Variants in MYO18B observed in about 807,000 individuals in gnomAD.
MYO18B encodes unconventional myosin-XVIIIb.
A neutral mutation model predicts 273.0 loss-of-function variants in MYO18B; 204 were observed. The observed-to-expected ratio is 0.75, with a 90% CI of 0.67 to 0.84. The LOEUF is 0.84. Among genes scored for constraint, MYO18B ranks in the 40% least tolerant of loss-of-function variants. The pLI is 0.00. For synonymous variants in MYO18B, 1,330 were observed against 1,305.7 expected (o/e 1.02, Z -0.40); for missense variants, 3,212 against 3,287.6 (o/e 0.98, Z 0.56).
intron 13 of MYO18B, among the ~76,000 whole-genome samples, chr22:25,824,103 G>T (rs951074587): frequency 6.6e-6 from 1 of 152,172 alleles, no homozygotes; most frequent in Non-Finnish European, 1.5e-5. Flanking sequence ...GGTGTGGTCC[G>T]CTCACTAAGG....
At chr22:25,986,332 C>A (rs1213482145) in intron 39 of MYO18B, among the ~76,000 whole-genome samples, 2 of 151,804 alleles carry the variant, frequency 1.3e-5, no homozygotes, top group African/African-American at 4.8e-5. Flanking sequence ...TTTTAACTTG[C>A]CTATGATAAA....
intron 34 of MYO18B, among the ~76,000 whole-genome samples, chr22:25,944,574 G>T (rs1048610987): frequency 6.6e-6 from 1 of 152,150 alleles, no homozygotes; most frequent in African/African-American, 2.4e-5. Flanking sequence ...GTTAGGCTGG[G>T]CATGGTGGCT....
At chr22:25,810,743 A>G (rs1181157448) in intron 12 of MYO18B, among the ~76,000 whole-genome samples, 1 of 151,726 alleles carries the variant, frequency 6.6e-6, no homozygotes, top group Non-Finnish European at 1.5e-5. Context: ...GCCGACTTTA[A>G]TTCTGAAAGC....
At chr22:25,823,840 C>A (rs1045198272) in intron 13 of MYO18B, among the ~76,000 whole-genome samples, 162 bp downstream of exon 13, 1 of 152,146 alleles carries the variant, frequency 6.6e-6, no homozygotes, top group Non-Finnish European at 1.5e-5. Flanking sequence ...GGAAAGGGAC[C>A]GGTCAATGCT....
At chr22:26,047,157 C>T in the MYO18B span, among the ~76,000 whole-genome samples, 133 of 146,132 alleles carry the variant, frequency 9.1e-4, 1 homozygote, top group Non-Finnish European at 1.3e-3. Context: ...GACAGAGTCT[C>T]GCTCTGTCAC....
chr22:25,742,706 G>A (rs751675229), intron 1 of MYO18B, among the ~76,000 whole-genome samples: 1 of 152,230 alleles, frequency 6.6e-6, no homozygotes, highest in Non-Finnish European at 1.5e-5. Flanking sequence ...TATGGTCGGG[G>A]AAGAGCCAGG....
chr22:26,008,103 C>A (rs924948761), intron 42 of MYO18B, among the ~76,000 whole-genome samples: 2 of 152,164 alleles, frequency 1.3e-5, no homozygotes, highest in Admixed American at 6.5e-5. Context: ...CAGCAATACA[C>A]CTTGGAGATC....
At chr22:25,893,255 A>G (rs924600797) in intron 27 of MYO18B, among the ~76,000 whole-genome samples, 1 of 152,246 alleles carries the variant, frequency 6.6e-6, no homozygotes, top group African/African-American at 2.4e-5. Context: ...ATATTTAAAG[A>G]GAACCTTTTG....
At chr22:25,943,395 C>G (rs1251391825) in intron 34 of MYO18B, among the ~76,000 whole-genome samples, 1 of 152,162 alleles carries the variant, frequency 6.6e-6, no homozygotes, top group Non-Finnish European at 1.5e-5. Context: ...CTGGTCCCAC[C>G]CTCCCCACAG....
At position 25,950,441 on chromosome 22, in the gene MYO18B, A is replaced by G. The variant is rs746544742; in HGVS notation, c.5823A>G (p.Leu1941=). ...AAGCCAAGAAGGAGAAGCACAAGCT[A>G]CAAGAACAAGTATGTGCTCAGAGCC... ...LEEAKKEKHK[L]QEQLQVAQMR... Residue 1941 remains leucine (L), a synonymous_variant, in exon 37 of 44, where the codon CTA becomes CTG. Coordinates refer to ENST00000335473, the MANE Select transcript of MYO18B (RefSeq NM_032608.7). The G allele has an allele frequency of 2.5e-6, 4 of 1,603,402 alleles. No individual in the cohort carries two copies. The highest frequency in any genetic ancestry group is 1.7e-5 in the Admixed American group (1 of 58,904).
intron 10 of MYO18B, among the ~76,000 whole-genome samples, chr22:25,783,086 A>G (rs1283225840): frequency 6.6e-6 from 1 of 152,230 alleles, no homozygotes; most frequent in Non-Finnish European, 1.5e-5. Context: ...CAGGCAGACA[A>G]TACTTCTTAA....
chr22:25,811,440 G>A (rs1298844570), intron 12 of MYO18B, among the ~76,000 whole-genome samples: 4 of 152,122 alleles, frequency 2.6e-5, no homozygotes, highest in Admixed American at 6.5e-5. Context: ...ATGCATAGCC[G>A]CAGTACATAT....
At chr22:25,788,818 C>T (rs1400680171) in intron 11 of MYO18B, among the ~76,000 whole-genome samples, 1 of 152,160 alleles carries the variant, frequency 6.6e-6, no homozygotes, top group Non-Finnish European at 1.5e-5. Context: ...TCACTGGCGA[C>T]AGTGGAGTCT....
intron 12 of MYO18B, among the ~76,000 whole-genome samples, chr22:25,815,175 G>A (rs1052347311): frequency 1.7e-4 from 26 of 152,248 alleles, no homozygotes; most frequent in African/African-American, 5.8e-4. Context: ...AAAGGGGACA[G>A]TTTGATAGAT....
intron 39 of MYO18B, chr22:25,964,345 G>C (rs2092954036): frequency 6.6e-6 from 1 of 152,170 alleles, no homozygotes; most frequent in African/African-American, 2.4e-5. Flanking sequence ...CTAAAATCCA[G>C]ACAGGTGAAG....
intron 12 of MYO18B, among the ~76,000 whole-genome samples, chr22:25,817,921 G>GC (rs1244691196): frequency 6.6e-6 from 1 of 152,184 alleles, no homozygotes; most frequent in African/African-American, 2.4e-5. Context: ...CGGCCACTCT[G>GC]CCCTGCTTCA....
the MYO18B span, among the ~76,000 whole-genome samples, chr22:26,044,726 T>C: frequency 0.033 from 5,058 of 152,338 alleles, 142 homozygotes; most frequent in Admixed American, 0.1. Flanking sequence ...ACCATCACAT[T>C]GAAGACTCTC....
chr22:25,899,460 C>T (rs2091885247), intron 29 of MYO18B: 1 of 152,124 alleles, frequency 6.6e-6, no homozygotes, highest in Non-Finnish European at 1.5e-5. Context: ...TGGAAACTGC[C>T]TCCTTTCCAA....
chr22:25,981,376 C>G (rs1196383673), intron 39 of MYO18B, among the ~76,000 whole-genome samples: 1 of 152,172 alleles, frequency 6.6e-6, no homozygotes, highest in African/African-American at 2.4e-5. Context: ...TCTCAGTGAT[C>G]TGTGTCTCTG....
Sources: gnomAD v4.1 joint callset for allele counts (sites outside exome capture counted in the v4.1 genomes callset) on GRCh38, gnomAD v4.1.1 for gene constraint, MANE v1.5 for transcripts, NCBI Gene and HGNC (gene_info 2026-07-23, HGNC 2026-07-21) for gene names.